MGMT: variants seen among roughly 807,000 people sequenced by gnomAD.
MGMT encodes the protein methylated-DNA--protein-cysteine methyltransferase.
MGMT carries 14 observed loss-of-function variants against 15.9 expected under a neutral mutation model. The observed-to-expected ratio is 0.88, with a 90% CI of 0.58 to 1.37. The LOEUF is 1.37. Among genes scored for constraint, MGMT ranks in the 40% most tolerant of loss-of-function variants. MGMT has a pLI of 0.00. For synonymous variants in MGMT, 130 were observed against 118.2 expected (o/e 1.10, Z -0.65); for missense variants, 282 against 268.1 (o/e 1.05, Z -0.36).
chr10:129,680,043 G>A (rs1469302875), intron 2 of MGMT, among the ~76,000 whole-genome samples: 1 of 152,232 alleles, frequency 6.6e-6, no homozygotes, highest in African/African-American at 2.4e-5. Flanking sequence ...AGACAGGCGA[G>A]TGCTGTACAA....
At chr10:129,717,179 A>G (rs1848309651) in intron 3 of MGMT, among the ~76,000 whole-genome samples, 1 of 152,230 alleles carries the variant, frequency 6.6e-6, no homozygotes, top group African/African-American at 2.4e-5. Context: ...TTACGGTATC[A>G]ACTTTCAGTG....
At chr10:129,588,331 G>T (rs1846641399) in intron 2 of MGMT, among the ~76,000 whole-genome samples, 1 of 152,230 alleles carries the variant, frequency 6.6e-6, no homozygotes. Context: ...TGGGGCGGAT[G>T]AGACAGTAGA....
rs1396461034 is a variant in MGMT, at chr10:129,566,439, G to A, written c.125+30062G>A. 6.6e-6 allele frequency among the ~76,000 whole-genome samples: 1 copy of A among 152,142 alleles called. No individual in the cohort carries two copies. The highest frequency in any genetic ancestry group is 1.5e-5 in the Non-Finnish European group (1 of 68,026). On this transcript the variant is annotated intron_variant, in intron 2 of 4. Coordinates refer to ENST00000651593, the MANE Select transcript of MGMT (RefSeq NM_002412.5). The surrounding 1 kb of genome is among the most constrained non-coding windows in gnomAD (Gnocchi z 4.1). ...GGCGGATGTACCTTGGCTCTGCCTG[G>A]ACCCTCTCTCTCTTCCAGGCCTCTG...
intron 2 of MGMT, among the ~76,000 whole-genome samples, chr10:129,602,548 GAGCCACACAAAGCAAAA>G (rs1846836413): frequency 6.6e-6 from 1 of 152,178 alleles, no homozygotes; most frequent in African/African-American, 2.4e-5. Flanking sequence ...AAAGGGTTGA[GAGCCACACAAAGCAAAA>G]CAGATGGGCC....
At chr10:129,710,160 C>G (rs996704374) in intron 3 of MGMT, among the ~76,000 whole-genome samples, 3 of 152,144 alleles carry the variant, frequency 2.0e-5, no homozygotes, top group Admixed American at 1.3e-4. Flanking sequence ...GCTGGCAGGT[C>G]ATGATAGGTC....
chr10:129,765,151 C>T (rs900236863), intron 4 of MGMT, among the ~76,000 whole-genome samples: 2 of 152,250 alleles, frequency 1.3e-5, no homozygotes, highest in Admixed American at 1.3e-4. Flanking sequence ...ACACGTCCCC[C>T]GAGATGTCCT....
At chr10:129,599,741 A>G (rs506915) in intron 2 of MGMT, among the ~76,000 whole-genome samples, 59,052 of 152,042 alleles carry the variant, frequency 0.39, 12,654 homozygotes, top group East Asian at 0.64. Flanking sequence ...ATGTTTACAC[A>G]GGGTGTGCAT....
rs536147018 is a variant in MGMT, at chr10:129,717,028, G to A, written c.274+8985G>A. On this transcript the variant is annotated intron_variant, in intron 3 of 4. Transcript: ENST00000651593. ...GCCGCTCCACTCTCCGAATCACTTTGTGCATTTTAGTAGCATGGTAATTTA... is the reference window on the plus strand; with the variant it reads ...GCCGCTCCACTCTCCGAATCACTTTATGCATTTTAGTAGCATGGTAATTTA... Among the ~76,000 whole-genome samples, 105 of 152,358 alleles carry A rather than the reference G, an allele frequency of 6.9e-4. 1 individual carries two copies. The highest frequency in any genetic ancestry group is 1.3e-3 in the Non-Finnish European group (87 of 68,034).
rs563979873 is a variant in MGMT at position 129,659,383 on chromosome 10, A to T, written c.126-48512A>T. Among the ~76,000 whole-genome samples the T allele has an allele frequency of 6.6e-6, 1 of 150,742 alleles. No homozygotes were observed. Among genetic ancestry groups the T allele is most frequent in the African/African-American group, 2.5e-5 (1 of 40,422 alleles). On this transcript the variant is annotated intron_variant, in intron 2 of 4. Coordinates refer to ENST00000651593, the MANE Select transcript of MGMT (RefSeq NM_002412.5). This position sits in a 1 kb window ranked among gnomAD's most constrained non-coding sequence, Gnocchi z 4.1. Reference sequence around the variant, plus strand: ...GGAAAAAAAAAAAAAAGATACTCAGATGTAGCTGTCTCTGCCTGGGTTGTT... The same window carrying T: ...GGAAAAAAAAAAAAAAGATACTCAGTTGTAGCTGTCTCTGCCTGGGTTGTT...
rs536304290 is a variant in MGMT at position 129,608,370 on chromosome 10, G to A, written c.125+71993G>A. 7.2e-5 allele frequency among the ~76,000 whole-genome samples: 11 copies of A among 152,364 alleles called. 1 individual carries two copies. Among genetic ancestry groups the A allele is most frequent in the Middle Eastern group, 6.8e-3 (2 of 294 alleles). On this transcript the variant is annotated intron_variant, in intron 2 of 4. Transcript: ENST00000651593. The stretch of plus-strand genomic sequence containing the variant: ...AGGGGAGGAACTCCGGGTTTGCGCC[G>A]CAGCTGCGTCGGTGGGGCCAGATTT...
chr10:129,471,054 C>A (rs970577932), intron 1 of MGMT, among the ~76,000 whole-genome samples: 1 of 152,182 alleles, frequency 6.6e-6, no homozygotes, highest in Non-Finnish European at 1.5e-5. Context: ...CCGCCCATTC[C>A]CAGAAGTCTG....
At chr10:129,494,680 A>G (rs933187415) in intron 1 of MGMT, among the ~76,000 whole-genome samples, 1 of 152,222 alleles carries the variant, frequency 6.6e-6, no homozygotes, top group Non-Finnish European at 1.5e-5. Context: ...CAATTAATTT[A>G]AATTTAAATA....
chr10:129,546,063 C>T (rs1194094443), intron 2 of MGMT, among the ~76,000 whole-genome samples: 2 of 152,140 alleles, frequency 1.3e-5, no homozygotes, highest in East Asian at 3.9e-4. Flanking sequence ...GGTCTTTTTG[C>T]GATAAAAACA....
chr10:129,740,463 C>T (rs1848618592), intron 3 of MGMT, among the ~76,000 whole-genome samples: 1 of 152,128 alleles, frequency 6.6e-6, no homozygotes, highest in South Asian at 2.1e-4. Context: ...CGAAGGGGGA[C>T]GGGAGAGTCA....
intron 1 of MGMT, among the ~76,000 whole-genome samples, chr10:129,493,267 A>G (rs760945076): frequency 6.6e-6 from 1 of 152,008 alleles, no homozygotes; most frequent in Non-Finnish European, 1.5e-5. Flanking sequence ...AAGGCTTCTC[A>G]CTCAATCAGG....
At chr10:129,531,776 TGGTGGGGGTG>T (rs1845934664) in intron 1 of MGMT, among the ~76,000 whole-genome samples, 5 of 1,076 alleles carry the variant, frequency 4.6e-3, no homozygotes, top group Admixed American at 0.046. Flanking sequence ...TAGCGGGGGC[TGGTGGGGGTG>T]GGGGGGGGTG....
At chr10:129,631,986 C>T (rs940582616) in intron 2 of MGMT, among the ~76,000 whole-genome samples, 1 of 152,204 alleles carries the variant, frequency 6.6e-6, no homozygotes, top group African/African-American at 2.4e-5. Context: ...GTCCTCCCAC[C>T]TTGGCCTCCT....
At chr10:129,649,588 G>T (rs1351252952) in intron 2 of MGMT, among the ~76,000 whole-genome samples, 2 of 152,142 alleles carry the variant, frequency 1.3e-5, no homozygotes, top group Non-Finnish European at 2.9e-5. Context: ...GACACAATTG[G>T]CATCTGTACT....
rs113664356 is a variant in MGMT at position 129,487,980 on chromosome 10, TAC to T, written c.-13+20700_-13+20701del. Among the ~76,000 whole-genome samples, 217 of 136,276 alleles carry T rather than the reference TAC, an allele frequency of 1.6e-3. 1 individual carries two copies. The highest frequency in any genetic ancestry group is 3.8e-3 in the African/African-American group (138 of 35,978). 89.4% of individuals were successfully genotyped at this position (136,276 alleles called of 152,430 possible). ...ACACACATAGGTGTATACGCAGGTA[TAC>T]ACACACACACACACATAGGTATACA... On this transcript the variant is annotated intron_variant, in intron 1 of 4. Transcript: ENST00000651593.
Sources: gnomAD v4.1 joint callset for allele counts (sites outside exome capture counted in the v4.1 genomes callset) on GRCh38, gnomAD v4.1.1 for gene constraint, Gnocchi (gnomAD v3.1) non-coding constraint, MANE v1.5 for transcripts, NCBI Gene and HGNC (gene_info 2026-07-23, HGNC 2026-07-21) for gene names.